Variants in ASIC2 observed in about 807,000 individuals in gnomAD.
ASIC2 encodes acid-sensing ion channel 2.
ASIC2 carries 25 observed loss-of-function variants against 57.3 expected under a neutral mutation model. The observed-to-expected ratio is 0.44, with a 90% CI of 0.32 to 0.61. The LOEUF (loss-of-function observed/expected upper bound fraction) is 0.61. ASIC2 is among the 20% of genes least tolerant of loss of function. The pLI is 0.06. For missense variants in ASIC2, 641 were observed against 738.1 expected, an observed-to-expected ratio of 0.87 and a Z score of 1.52; for synonymous variants, 319 against 307.5, an observed-to-expected ratio of 1.04 and a Z score of -0.39.
chr17:33,061,761 G>C (rs1280863177), intron 3 of ASIC2, among the ~76,000 whole-genome samples: 4 of 152,154 alleles, frequency 2.6e-5, no homozygotes, highest in Non-Finnish European at 5.9e-5. Context: ...TTGTACTCTG[G>C]TAGATTTTGG....
intron 3 of ASIC2, among the ~76,000 whole-genome samples, chr17:33,054,069 C>G (rs1567728085): frequency 1.3e-5 from 2 of 152,096 alleles, no homozygotes; most frequent in Non-Finnish European, 2.9e-5. Context: ...GCTTGTCAGC[C>G]TGCAACCATC....
intron 1 of ASIC2, among the ~76,000 whole-genome samples, chr17:33,608,793 T>G (rs1905301147): frequency 6.6e-6 from 1 of 152,204 alleles, no homozygotes; most frequent in Non-Finnish European, 1.5e-5. Context: ...AAGAACTTCC[T>G]TACTTCTTCT....
chr17:33,735,459 C>T (rs1909881895), intron 1 of ASIC2, among the ~76,000 whole-genome samples: 1 of 152,094 alleles, frequency 6.6e-6, no homozygotes, highest in Non-Finnish European at 1.5e-5. Context: ...TGACTTCAGA[C>T]ATAGCAGGTT....
At chr17:34,028,840 C>A (rs1907475634) in intron 1 of ASIC2, among the ~76,000 whole-genome samples, 1 of 152,192 alleles carries the variant, frequency 6.6e-6, no homozygotes, top group Non-Finnish European at 1.5e-5. Context: ...TGGATTGAAT[C>A]TTTCTGGTTC....
intron 1 of ASIC2, among the ~76,000 whole-genome samples, chr17:33,255,794 TA>T (rs1284949584): frequency 2.6e-5 from 4 of 152,224 alleles, no homozygotes; most frequent in African/African-American, 9.6e-5. Flanking sequence ...GTCAAAATGT[TA>T]TCCTCAAACT....
chr17:33,062,235 T>C (rs2092023762), intron 3 of ASIC2, among the ~76,000 whole-genome samples: 1 of 152,226 alleles, frequency 6.6e-6, no homozygotes, highest in Non-Finnish European at 1.5e-5. Context: ...GCTTCTCTAG[T>C]TCTTTTAATT....
chr17:33,782,853 G>A (rs1027729665), intron 1 of ASIC2, among the ~76,000 whole-genome samples: 4 of 152,106 alleles, frequency 2.6e-5, no homozygotes, highest in Non-Finnish European at 5.9e-5. Context: ...CTCAGGCTCC[G>A]GCCAGCCCCC....
At position 34,155,999 on chromosome 17, in the gene ASIC2, G is replaced by A. The variant is rs369406106; in HGVS notation, c.534C>T (p.Cys178=). 1.4e-5 allele frequency: 22 copies of A among 1,609,892 alleles called. 1 individual carries two copies. Among genetic ancestry groups the A allele is most frequent in the Admixed American group, 1.0e-4 (6 of 59,510 alleles). ...TCACTGTGGTGAAGTCTTGGTGGCC[G>A]CACTCCTGCCCTTTGAACTTGCAGT... The change falls in exon 1 of 10, where the codon TGC becomes TGT. Residue 178 remains cysteine (C), a synonymous_variant. Transcript: ENST00000359872.
chr17:33,346,658 A>G (rs2142243493), intron 1 of ASIC2, among the ~76,000 whole-genome samples: 1 of 152,256 alleles, frequency 6.6e-6, no homozygotes, highest in South Asian at 2.1e-4. Flanking sequence ...GCCACTGGAT[A>G]TTTGCAACTT....
chr17:34,017,938 C>G (rs1907026719), intron 1 of ASIC2, among the ~76,000 whole-genome samples: 1 of 152,194 alleles, frequency 6.6e-6, no homozygotes, highest in Admixed American at 6.5e-5. Flanking sequence ...GAAGTTGTGG[C>G]TAGTTATTCA....
chr17:33,700,286 A>T (rs1292951418), intron 1 of ASIC2, among the ~76,000 whole-genome samples: 5 of 152,118 alleles, frequency 3.3e-5, no homozygotes, highest in South Asian at 2.1e-4. Context: ...GAAAAAAAAA[A>T]GTTTTCTGTT....
chr17:34,022,666 C>T (rs1334438103), intron 1 of ASIC2, among the ~76,000 whole-genome samples: 1 of 151,634 alleles, frequency 6.6e-6, no homozygotes, highest in Non-Finnish European at 1.5e-5. Context: ...AAAAACAGCC[C>T]AGTAGCCAAT....
intron 1 of ASIC2, among the ~76,000 whole-genome samples, chr17:33,329,050 A>G (rs1907196912): frequency 6.6e-6 from 1 of 151,998 alleles, no homozygotes; most frequent in Non-Finnish European, 1.5e-5. Flanking sequence ...CACTTCTATA[A>G]GAGGCAGGAA....
At chr17:33,112,587 C>T (rs1050056942) in intron 1 of ASIC2, 1 of 152,724 alleles carries the variant, frequency 6.5e-6, no homozygotes, top group African/African-American at 2.4e-5. Flanking sequence ...AACAGCATCG[C>T]CATCTGCCAA....
chr17:33,691,311 A>G (rs966721057), intron 1 of ASIC2, among the ~76,000 whole-genome samples: 9 of 152,202 alleles, frequency 5.9e-5, no homozygotes, highest in African/African-American at 1.9e-4. Flanking sequence ...TAATTGCCCC[A>G]CATAGAGGTT....
At chr17:33,238,848 A>G (rs1471389781) in intron 1 of ASIC2, among the ~76,000 whole-genome samples, 1 of 152,152 alleles carries the variant, frequency 6.6e-6, no homozygotes, top group African/African-American at 2.4e-5. Context: ...CACTGAAAAT[A>G]CAAAAATTAG....
intron 1 of ASIC2, among the ~76,000 whole-genome samples, chr17:33,898,267 G>A (rs1222323066): frequency 2.1e-4 from 20 of 95,490 alleles, no homozygotes; most frequent in South Asian, 3.8e-4. Flanking sequence ...ACTGAGTCTC[G>A]CTCTGTCACC....
chr17:33,818,327 T>C (rs1043055643), intron 1 of ASIC2, among the ~76,000 whole-genome samples: 1 of 152,186 alleles, frequency 6.6e-6, no homozygotes, highest in Admixed American at 6.5e-5. Context: ...CCAATTAGCT[T>C]TTATTATGAA....
At chr17:33,039,798 C>G (rs1484807266) in intron 3 of ASIC2, among the ~76,000 whole-genome samples, 1 of 152,136 alleles carries the variant, frequency 6.6e-6, no homozygotes, top group Non-Finnish European at 1.5e-5. Context: ...GATTCTACTC[C>G]TCCTTCACCT....
Sources: allele counts gnomAD v4.1 joint callset (sites outside exome capture counted in the v4.1 genomes callset), GRCh38; gene constraint gnomAD v4.1.1; transcripts MANE v1.5; gene names NCBI Gene and HGNC (gene_info 2026-07-23, HGNC 2026-07-21).